The following ACOT11 variants were observed in gnomAD, a reference collection of about 807,000 sequenced individuals.
The protein encoded by ACOT11 is acyl-coenzyme A thioesterase 11.
Under a neutral mutation model 77.5 loss-of-function variants are expected in ACOT11, and 69 were observed. That is an observed-to-expected ratio of 0.89 (90% CI 0.73 to 1.09). ACOT11 has a LOEUF of 1.09. Among genes scored for constraint, ACOT11 ranks in the 50% least tolerant of loss-of-function variants. The pLI, the probability that ACOT11 is intolerant of heterozygous loss-of-function variation, is 0.00. For missense variants in ACOT11, 766 were observed against 813.7 expected (o/e 0.94, Z 0.71); for synonymous variants, 279 against 313.0 (o/e 0.89, Z 1.15).
chr1:54,548,762 TGTGA>T (rs576478358), intron 1 of ACOT11: 164 of 216,110 alleles, frequency 7.6e-4, no homozygotes, highest in African/African-American at 3.6e-3. Context: ...GAGGTATGGG[TGTGA>T]GTGAGTATGT....
At chr1:54,603,001 A>G (rs1006365853) in intron 10 of ACOT11, among the ~76,000 whole-genome samples, 2 of 152,194 alleles carry the variant, frequency 1.3e-5, no homozygotes, top group Non-Finnish European at 1.5e-5. Context: ...CCGATTTTAA[A>G]TCCTGTGTTC....
rs887671031 is a variant in ACOT11 at position 54,555,792 on chromosome 1, T to A, written c.33+7450T>A. 5.9e-5 allele frequency among the ~76,000 whole-genome samples: 9 copies of A among 152,302 alleles called. No homozygotes were observed. The South Asian group carries it at 1.7e-3, about 28-fold the overall frequency. ...TGGAGTCTCACTCTGTCGCCTAGGT[T>A]GGAGTGCAGTGGCATGATCTCGGCT... On this transcript the variant is annotated intron_variant, in intron 1 of 15. Transcript: ENST00000343744.
chr1:54,607,825 C>G lies in ACOT11; in HGVS notation c.1503-117C>G. The G allele has an allele frequency of 7.3e-7, 1 of 1,377,474 alleles. No individual in the cohort carries two copies. The highest frequency in any genetic ancestry group is 1.0e-6 in the Non-Finnish European group (1 of 1,003,208). The allele number at this position is 1,377,474 out of a possible 1,614,324, so 85.3% of individuals were successfully genotyped here. On this transcript the variant is annotated intron_variant, in intron 14 of 15. Transcript: ENST00000343744. This position sits in a 1 kb window ranked among gnomAD's most constrained non-coding sequence, Gnocchi z 4.5. ...TTTAAGAGTCGATGTGCCTTGCATC[C>G]CCCTGGTGAGGAATCTGTGCTAGAG...
chr1:54,610,493 G>T, downstream of ACOT11: 1 of 1,501,170 alleles, frequency 6.7e-7, no homozygotes, highest in Non-Finnish European at 9.2e-7. Flanking sequence ...TCATCCCCAG[G>T]CAGCTGGAGA....
At chr1:54,605,255 G>C (rs746706187) in intron 13 of ACOT11, 46 bp downstream of exon 13, 1 of 1,594,270 alleles carries the variant, frequency 6.3e-7, no homozygotes, top group South Asian at 1.1e-5. Context: ...TCTCCGGCCT[G>C]ATGAGGGAGA....
intron 10 of ACOT11, among the ~76,000 whole-genome samples, chr1:54,602,943 A>G (rs1643981946): frequency 1.3e-5 from 2 of 152,252 alleles, no homozygotes; most frequent in African/African-American, 4.8e-5. Context: ...GCCCAGGGAC[A>G]CACAAATATC....
chr1:54,610,543 C>T (rs867446368), downstream of ACOT11: 37 of 1,611,930 alleles, frequency 2.3e-5, no homozygotes, highest in Non-Finnish European at 2.9e-5. Context: ...CATTGGTTTC[C>T]GTGTGGCATT....
At chr1:54,561,083 T>G (rs1653462234) in intron 1 of ACOT11, among the ~76,000 whole-genome samples, 7 of 22,966 alleles carry the variant, frequency 3.0e-4, no homozygotes, top group South Asian at 2.2e-3. Flanking sequence ...TGATTTTTTA[T>G]TTTTTTTATT....
chr1:54,589,149 T>A (rs1020708385), intron 3 of ACOT11, among the ~76,000 whole-genome samples: 2 of 151,824 alleles, frequency 1.3e-5, no homozygotes, highest in African/African-American at 4.8e-5. Context: ...CCCGAGTAGG[T>A]GGGATTACAG....
intron 1 of ACOT11, among the ~76,000 whole-genome samples, chr1:54,580,291 T>G (rs894549659): frequency 1.8e-4 from 28 of 152,084 alleles, no homozygotes; most frequent in Non-Finnish European, 7.4e-5. Context: ...GGCAGGTAGG[T>G]CTCCTTTGCA....
Position 54,609,897 on chromosome 1 carries a change from C to T in ACOT11, c.*785C>T, listed in dbSNP as rs1229452435. The stretch of plus-strand genomic sequence containing the variant: ...ACAATGGGCACGGGGTTTTCAGCCA[C>T]AGTTCCCTCGAGGCCAGTGTTCAGC... On this transcript the variant is annotated 3_prime_UTR_variant, in exon 16 of 16. Coordinates refer to ENST00000343744, the MANE Select transcript of ACOT11 (RefSeq NM_147161.4). The T allele has an allele frequency of 3.7e-6, 6 of 1,611,602 alleles. No individual in the cohort carries two copies. The highest frequency in any genetic ancestry group is 1.3e-5 in the African/African-American group (1 of 74,950).
At chr1:54,601,116 CATGT>C (rs757443064) in intron 8 of ACOT11, among the ~76,000 whole-genome samples, 149 bp from the exon 9 acceptor site, 1 of 150,576 alleles carries the variant, frequency 6.6e-6, no homozygotes, top group African/African-American at 2.4e-5. Context: ...TGTGTGCATA[CATGT>C]GTGTGTATGT....
exon 17 of ACOT11, chr1:54,635,245 A>G: frequency 9.1e-6 from 2 of 220,764 alleles, no homozygotes; most frequent in South Asian, 5.9e-5. Context: ...TGGTCCCCCA[A>G]GGGGATGTTT....
chr1:54,557,091 T>C (rs1458474736), intron 1 of ACOT11, among the ~76,000 whole-genome samples: 2 of 151,724 alleles, frequency 1.3e-5, no homozygotes, highest in African/African-American at 2.4e-5. Flanking sequence ...TTAAAAAAAT[T>C]AAAAAAAATT....
At position 54,604,025 on chromosome 1, in the gene ACOT11, C is replaced by T. The variant is rs868847915; in HGVS notation, c.1152+88C>T. ...TGTCAGAACGGGTTTGGAGGAAGGCCGGGGAGAGCAGGATATGAATGACAC... is the reference window on the plus strand; with the variant it reads ...TGTCAGAACGGGTTTGGAGGAAGGCTGGGGAGAGCAGGATATGAATGACAC... On this transcript the variant is annotated intron_variant, in intron 11 of 15. Transcript: ENST00000343744. 3.9e-5 allele frequency: 49 copies of T among 1,251,592 alleles called. 1 individual carries two copies. The highest frequency in any genetic ancestry group is 1.5e-4 in the South Asian group (12 of 82,458). 77.5% of individuals were successfully genotyped at this position (1,251,592 alleles called of 1,614,324 possible). A position where few individuals can be genotyped will look rare whatever the true frequency, so the allele number is the denominator to read the frequency against.
Position 54,584,672 on chromosome 1 carries a change from C to T in ACOT11, c.51C>T (p.Phe17=), listed in dbSNP as rs564970214. Residue 17 remains phenylalanine (F), a synonymous_variant, in exon 2 of 16, where the codon TTC becomes TTT. Transcript: ENST00000343744. The surrounding 1 kb of genome is among the most constrained non-coding windows in gnomAD (Gnocchi z 6.3). The part of the protein sequence containing the change: ...NHLRRGLASV[F]SNRTSRKSAL... ...TACCCCAGGGCTTGGCCTCTGTGTT[C>T]TCCAACCGCACATCCCGGAAGTCAG... 6.2e-7 allele frequency: 1 copy of T among 1,614,140 alleles called. No homozygotes were observed. The highest frequency in any genetic ancestry group is 8.5e-7 in the Non-Finnish European group (1 of 1,180,004).
chr1:54,568,556 G>C (rs1026428082), intron 1 of ACOT11, among the ~76,000 whole-genome samples: 1 of 151,690 alleles, frequency 6.6e-6, no homozygotes, highest in African/African-American at 2.4e-5. Flanking sequence ...TAGAGACGGG[G>C]TTTCTCCATT....
rs780987042 is a variant in ACOT11, at chr1:54,597,337, C to T, written c.686C>T (p.Pro229Leu). Residue 229 changes from proline (P) to leucine (L), a missense_variant, in exon 7 of 16, where the codon CCC becomes CTC. Coordinates refer to ENST00000343744, the MANE Select transcript of ACOT11 (RefSeq NM_147161.4). ...GAGAGTGTGGAGCTGGTCCTGCCTCCCCACGCCAATCACCAGGGCAACACC... is the reference window on the plus strand; with the variant it reads ...GAGAGTGTGGAGCTGGTCCTGCCTCTCCACGCCAATCACCAGGGCAACACC... Reference protein sequence around the residue: ...RVESVELVLPPHANHQGNTFG... With the variant: ...RVESVELVLPLHANHQGNTFG... 2.5e-6 allele frequency: 4 copies of T among 1,613,920 alleles called. No homozygotes were observed. The South Asian group carries it at 4.4e-5, about 18-fold the overall frequency.
rs765287203 is a variant in ACOT11 at position 54,594,573 on chromosome 1, C to T, written c.489C>T (p.Ile163=). The change falls in exon 6 of 16, where the codon ATC becomes ATT. Residue 163 remains isoleucine, a synonymous_variant. Transcript: ENST00000343744. ...REITKVKLKQ[I]TPRTEEEKME... is the part of the protein sequence containing the mutation. ...GCCGACAGGTGAAGCTGAAGCAGATCACGCCGCGGACAGAAGAGGAGAAGA... is the reference window on the plus strand; with the variant it reads ...GCCGACAGGTGAAGCTGAAGCAGATTACGCCGCGGACAGAAGAGGAGAAGA... 22 of 1,613,540 alleles carry T rather than the reference C, an allele frequency of 1.4e-5. No individual in the cohort carries two copies. The Admixed American group carries it at 3.7e-4, about 27-fold the overall frequency.
Sources: allele counts gnomAD v4.1 joint callset (sites outside exome capture counted in the v4.1 genomes callset), GRCh38; gene constraint gnomAD v4.1.1; non-coding constraint Gnocchi (gnomAD v3.1); transcripts MANE v1.5; gene names NCBI Gene and HGNC (gene_info 2026-07-23, HGNC 2026-07-21).